The following PHACTR4 variants were observed in gnomAD, a reference collection of about 807,000 sequenced individuals.
The protein encoded by PHACTR4 is phosphatase and actin regulator 4, also known as protein phosphatase 1, regulatory subunit 124.
A neutral mutation model predicts 72.7 loss-of-function variants in PHACTR4; 51 were observed. That is an observed-to-expected ratio of 0.70 (90% CI 0.56 to 0.89). The LOEUF (loss-of-function observed/expected upper bound fraction) is 0.89, where lower values mean the gene tolerates loss of function less well. Among genes scored for constraint, PHACTR4 ranks in the 40% least tolerant of loss-of-function variants. PHACTR4 has a pLI of 0.00. For synonymous variants in PHACTR4, 255 were observed against 302.5 expected (o/e 0.84, Z 1.63); for missense variants, 731 against 861.8 (o/e 0.85, Z 1.90).
chr1:28,480,647 A>C, intron 9 of PHACTR4, 43 bp downstream of exon 9: 2 of 1,607,900 alleles, frequency 1.2e-6, no homozygotes, highest in Non-Finnish European at 1.7e-6. Context: ...TGGTTATGCC[A>C]GTATTTGTGT....
chr1:28,423,510 T>C (rs1015679319), intron 2 of PHACTR4, among the ~76,000 whole-genome samples: 5 of 152,218 alleles, frequency 3.3e-5, no homozygotes, highest in Non-Finnish European at 7.3e-5. Context: ...ATGCTCCATG[T>C]AGCATAAGTA....
At chr1:28,438,360 G>A (rs755076448) in intron 2 of PHACTR4, 26 of 1,605,254 alleles carry the variant, frequency 1.6e-5, no homozygotes, top group African/African-American at 6.7e-5. Flanking sequence ...GTTTGTTGTC[G>A]TGAGATACAT....
intron 1 of PHACTR4, among the ~76,000 whole-genome samples, chr1:28,377,876 G>A (rs376513134): frequency 1.3e-5 from 2 of 151,908 alleles, no homozygotes; most frequent in Admixed American, 6.6e-5. Context: ...GTTGGTGAGA[G>A]GGTTTAGAGA....
chr1:28,453,674 T>C (rs2124451144), intron 2 of PHACTR4: 1 of 1,285,446 alleles, frequency 7.8e-7, no homozygotes, highest in Non-Finnish European at 1.1e-6. Context: ...GATTGAAAGA[T>C]GGACCCGTCC....
Position 28,473,801 on chromosome 1 carries a change from C to T in PHACTR4, c.1071C>T (p.Arg357=). The change falls in exon 7 of 14, where the codon CGC becomes CGT. Residue 357 remains arginine, a synonymous_variant. Coordinates refer to ENST00000373839, the MANE Select transcript of PHACTR4 (RefSeq NM_001048183.3). ...LPTHIPPEPP[R]TPPFPAKTFQ... Reference sequence around the variant, plus strand: ...CTCATATACCTCCAGAGCCTCCACGCACCCCTCCATTCCCTGCTAAGACTT... The same window carrying T: ...CTCATATACCTCCAGAGCCTCCACGTACCCCTCCATTCCCTGCTAAGACTT... 6.2e-7 allele frequency: 1 copy of T among 1,614,130 alleles called. No individual in the cohort carries two copies. Among genetic ancestry groups the T allele is most frequent in the South Asian group, 1.1e-5 (1 of 91,076 alleles).
intron 1 of PHACTR4, among the ~76,000 whole-genome samples, chr1:28,370,232 AT>A (rs1178140123): frequency 6.6e-6 from 1 of 152,004 alleles, no homozygotes; most frequent in Admixed American, 6.6e-5. Context: ...GTCAAAGTAC[AT>A]TTTTCAAAAC....
chr1:28,496,869 C>A lies in PHACTR4; in HGVS notation c.*320C>A. ...TACTGGCTGCACCACACCCCTTCCC[C>A]TAGATGACTGCCTGTGCAGAGACAC... On this transcript the variant is annotated 3_prime_UTR_variant, in exon 14 of 14. Transcript: ENST00000373839. 1 of 449,436 alleles carries A rather than the reference C, an allele frequency of 2.2e-6. No homozygotes were observed. Among genetic ancestry groups the A allele is most frequent in the South Asian group, 2.4e-5 (1 of 41,722 alleles). 27.8% of individuals were successfully genotyped at this position (449,436 alleles called of 1,614,324 possible). A position where few individuals can be genotyped will look rare whatever the true frequency, so the allele number is the denominator to read the frequency against.
chr1:28,460,894 T>C (rs1261214639), intron 4 of PHACTR4, among the ~76,000 whole-genome samples: 1 of 152,032 alleles, frequency 6.6e-6, no homozygotes, highest in African/African-American at 2.4e-5. Flanking sequence ...TCTGCCCACC[T>C]CGGCCTCCCA....
intron 2 of PHACTR4, among the ~76,000 whole-genome samples, chr1:28,444,491 G>A (rs1327127540): frequency 6.6e-6 from 1 of 151,682 alleles, no homozygotes; most frequent in Admixed American, 6.6e-5. Context: ...GCCTCCCAAA[G>A]TACTGGGACT....
At position 28,459,099 on chromosome 1, in the gene PHACTR4, C is replaced by T. The variant is rs912765475; in HGVS notation, c.31C>T (p.Pro11Ser). 4.3e-6 allele frequency: 7 copies of T among 1,610,614 alleles called. No individual in the cohort carries two copies. Among genetic ancestry groups the T allele is most frequent in the Non-Finnish European group, 5.1e-6 (6 of 1,178,702 alleles). ...TCATGTAACAGAGGAAGCAGACCAGCCCACTACAGAGCCAGGCATGGTCCT... is the reference window on the plus strand; with the variant it reads ...TCATGTAACAGAGGAAGCAGACCAGTCCACTACAGAGCCAGGCATGGTCCT... MEDPFEEADQ[P>S]TTEPGMVLDS... The change falls in exon 3 of 14, where the codon CCC becomes TCC. Residue 11 changes from proline (P) to serine (S), a missense_variant. Physicochemically the swap from Pro to Ser is moderately conservative, Grantham distance 74 (BLOSUM62 -1). Coordinates refer to ENST00000373839, the MANE Select transcript of PHACTR4 (RefSeq NM_001048183.3).
At position 28,482,952 on chromosome 1, in the gene PHACTR4, AAG is replaced by A. The variant is rs1660372409; in HGVS notation, c.1760+2352_1760+2353del. Among the ~76,000 whole-genome samples, 18 of 150,742 alleles carry A rather than the reference AAG, an allele frequency of 1.2e-4. 1 individual carries two copies. The highest frequency in any genetic ancestry group is 1.3e-4 in the Admixed American group (2 of 15,154). On this transcript the variant is annotated intron_variant, in intron 9 of 13. Transcript: ENST00000373839. ...AAACCCTGTCTCAAAAAAAAAAAAA[AAG>A]AGACACCTGGCTTTACTGTGTATGC...
intron 9 of PHACTR4, among the ~76,000 whole-genome samples, chr1:28,483,798 C>CAAAAAAA (rs991081654): frequency 1.4e-5 from 1 of 71,008 alleles, no homozygotes; most frequent in African/African-American, 4.7e-5. Flanking sequence ...GACTCCGTCT[C>CAAAAAAA]AAAAAAAAAA....
intron 7 of PHACTR4, among the ~76,000 whole-genome samples, chr1:28,474,735 G>A (rs564188007): frequency 6.6e-6 from 1 of 151,510 alleles, no homozygotes; most frequent in African/African-American, 2.4e-5. Context: ...TGGAGATGGG[G>A]TTTCAACATG....
intron 1 of PHACTR4, among the ~76,000 whole-genome samples, chr1:28,387,044 C>T (rs1310097770): frequency 5.3e-5 from 8 of 151,802 alleles, no homozygotes; most frequent in Middle Eastern, 3.2e-3. Context: ...AGGTGGATCA[C>T]GAGGTCAAGA....
At chr1:28,475,772 G>A (rs1570072605) in intron 7 of PHACTR4, among the ~76,000 whole-genome samples, 1 of 142,668 alleles carries the variant, frequency 7.0e-6, no homozygotes, top group Admixed American at 7.0e-5. Flanking sequence ...TGTCACCCAG[G>A]CTGGAATGTA....
At chr1:28,438,467 C>G in intron 2 of PHACTR4, 5 of 1,608,758 alleles carry the variant, frequency 3.1e-6, no homozygotes, top group Non-Finnish European at 4.2e-6. Flanking sequence ...AAAATCTTGA[C>G]AGAAGCAAGG....
chr1:28,431,166 G>A (rs1408932081), intron 2 of PHACTR4, among the ~76,000 whole-genome samples: 2 of 139,790 alleles, frequency 1.4e-5, no homozygotes, highest in African/African-American at 2.7e-5. Context: ...GCCACAGAGC[G>A]AGACTCCATC....
chr1:28,400,651 C>T (rs538215305), intron 1 of PHACTR4, among the ~76,000 whole-genome samples: 1 of 152,050 alleles, frequency 6.6e-6, no homozygotes, highest in South Asian at 2.1e-4. Flanking sequence ...GCAATCTCAG[C>T]TTAGTGCAAC....
chr1:28,492,672 A>G (rs1661109441), intron 12 of PHACTR4, among the ~76,000 whole-genome samples: 1 of 152,088 alleles, frequency 6.6e-6, no homozygotes, highest in East Asian at 1.9e-4. Context: ...AGGCAGGAGA[A>G]TCGCCTGAAC....
Sources: gnomAD v4.1 joint callset for allele counts (sites outside exome capture counted in the v4.1 genomes callset) on GRCh38, gnomAD v4.1.1 for gene constraint, MANE v1.5 for transcripts, NCBI Gene and HGNC (gene_info 2026-07-23, HGNC 2026-07-21) for gene names.